The following SIN3B variants were observed in gnomAD, a reference collection of about 807,000 sequenced individuals.
SIN3B encodes paired amphipathic helix protein Sin3b.
A neutral mutation model predicts 120.2 loss-of-function variants in SIN3B; 19 were observed. The observed-to-expected ratio is 0.16, with a 90% CI of 0.11 to 0.23. The LOEUF (loss-of-function observed/expected upper bound fraction) is 0.23, where lower values mean the gene tolerates loss of function less well. Ranked by LOEUF, SIN3B falls within the 10% of genes least tolerant of loss-of-function variation. The pLI is 1.00. For missense variants in SIN3B, 1,073 were observed against 1,573.0 expected, an observed-to-expected ratio of 0.68 and a Z score of 5.38; for synonymous variants, 654 against 653.2, an observed-to-expected ratio of 1.00 and a Z score of -0.02.
Position 16,876,625 on chromosome 19 carries a change from G to C in SIN3B, c.2859+47G>C. 6.8e-7 allele frequency: 1 copy of C among 1,478,580 alleles called. No homozygotes were observed. The highest frequency in any genetic ancestry group is 1.2e-5 in the South Asian group (1 of 86,832). The allele number at this position is 1,478,580 out of a possible 1,614,324, so 91.6% of individuals were successfully genotyped here. A position where few individuals can be genotyped will look rare whatever the true frequency, so the allele number is the denominator to read the frequency against. On this transcript the variant is annotated intron_variant, in intron 16 of 18. Transcript: ENST00000248054. The surrounding 1 kb of genome is among the most constrained non-coding windows in gnomAD (Gnocchi z 7.1). ...GTGCCACGCATACCAGGGAGCGCCTGAGGGCAGCAGCATGGGGCTCCCACC... is the reference window on the plus strand; with the variant it reads ...GTGCCACGCATACCAGGGAGCGCCTCAGGGCAGCAGCATGGGGCTCCCACC...
At chr19:16,858,357 C>T (rs527501564) in intron 8 of SIN3B, among the ~76,000 whole-genome samples, 9 of 152,276 alleles carry the variant, frequency 5.9e-5, no homozygotes, top group African/African-American at 1.7e-4. Flanking sequence ...ATCACCACAG[C>T]ATTTCTCACC....
intron 3 of SIN3B, among the ~76,000 whole-genome samples, chr19:16,834,631 G>A (rs1971322062): frequency 6.6e-6 from 1 of 152,188 alleles, no homozygotes; most frequent in African/African-American, 2.4e-5. Context: ...CTTAGGTGTA[G>A]AAGTTTGTTC....
rs1322570578 is a variant in SIN3B, at chr19:16,878,227, G to A, written c.2999G>A (p.Arg1000Gln). 13 of 1,597,184 alleles carry A rather than the reference G, an allele frequency of 8.1e-6. No individual in the cohort carries two copies. The highest frequency in any genetic ancestry group is 1.7e-5 in the Admixed American group (1 of 58,074). Residue 1000 changes from arginine (R) to glutamine (Q), a missense_variant, in exon 18 of 19, where the codon CGG (arginine) becomes CAG (glutamine). Arg to Gln is a conservative substitution (Grantham distance 43). Around this residue, in one of 7 missense-constraint regions of SIN3B, gnomAD observed 311 missense variants for 400.3 expected, o/e 0.78. Coordinates refer to ENST00000248054, the MANE Select transcript of SIN3B (RefSeq NM_001297595.2). ...FRRRWQSEQA[R>Q]ALRGEARSSW... ...CGCCGGTGGCAGAGCGAGCAGGCGC[G>A]GGCCCTGCGCGGTGAGGCCAGGAGC...
chr19:16,859,926 G>A (rs1052591823), intron 8 of SIN3B, among the ~76,000 whole-genome samples: 1 of 152,200 alleles, frequency 6.6e-6, no homozygotes, highest in East Asian at 1.9e-4. Context: ...AGCCAAGCGA[G>A]CCTCAGTGTC....
intron 4 of SIN3B, among the ~76,000 whole-genome samples, chr19:16,842,801 C>T (rs997946258): frequency 2.6e-5 from 4 of 152,144 alleles, no homozygotes; most frequent in African/African-American, 7.2e-5. Context: ...ATTCCCAGCC[C>T]GGTTCCCAAC....
chr19:16,857,517 A>ATGTGTG (rs72233219), intron 8 of SIN3B, among the ~76,000 whole-genome samples: 3,724 of 93,444 alleles, frequency 0.04, 79 homozygotes, highest in African/African-American at 0.086. Flanking sequence ...TAAAAAAAAT[A>ATGTGTG]TGTGTGTGTG....
Position 16,878,776 on chromosome 19 carries a change from C to G in SIN3B, c.*49C>G. ...GGCGCCTCACAGAGCACAGACGTGC[C>G]CTCGGCCTTGGTCGTGTCGGGGCCG... On this transcript the variant is annotated 3_prime_UTR_variant, in exon 19 of 19. Transcript: ENST00000248054. 1 of 1,492,926 alleles carries G rather than the reference C, an allele frequency of 6.7e-7. No homozygotes were observed. The highest frequency in any genetic ancestry group is 9.0e-7 in the Non-Finnish European group (1 of 1,108,924). 92.5% of individuals were successfully genotyped at this position (1,492,926 alleles called of 1,614,324 possible). A position where few individuals can be genotyped will look rare whatever the true frequency, so the allele number is the denominator to read the frequency against.
At chr19:16,833,488 C>T (rs1390364818) in intron 3 of SIN3B, among the ~76,000 whole-genome samples, 1 of 151,896 alleles carries the variant, frequency 6.6e-6, no homozygotes, top group Admixed American at 6.5e-5. Context: ...AAAAATCAGC[C>T]AGGCGCAGTG....
chr19:16,860,198 G>A (rs548242455), intron 8 of SIN3B, among the ~76,000 whole-genome samples: 2 of 152,298 alleles, frequency 1.3e-5, no homozygotes, highest in African/African-American at 4.8e-5. Flanking sequence ...GTTGGGTTAG[G>A]AGCGTTCACC....
At chr19:16,865,344 C>T in intron 10 of SIN3B, 66 bp from the exon 11 acceptor site, 5 of 971,972 alleles carry the variant, frequency 5.1e-6, no homozygotes, top group Admixed American at 2.1e-5. Context: ...TCTGAGGTCC[C>T]AGGCTCCTCT....
intron 5 of SIN3B, among the ~76,000 whole-genome samples, chr19:16,850,447 T>G (rs953960651): frequency 6.6e-6 from 1 of 152,030 alleles, no homozygotes; most frequent in Non-Finnish European, 1.5e-5. Context: ...TTTTCCTTGT[T>G]TTTTTTTGTT....
chr19:16,835,321 C>T (rs1356824235), intron 3 of SIN3B, among the ~76,000 whole-genome samples: 2 of 151,268 alleles, frequency 1.3e-5, no homozygotes, highest in African/African-American at 4.9e-5. Context: ...CTCTGCCTCC[C>T]GGGTTCAAGT....
At position 16,878,285 on chromosome 19, in the gene SIN3B, C is replaced by T. The variant is rs1248700478; in HGVS notation, c.3057C>T (p.Ala1019=). The change falls in exon 18 of 19, where the codon GCC becomes GCT. Residue 1019 remains alanine, a synonymous_variant. Transcript: ENST00000248054. ...AGCGGCTGGTGGGCGTGGAGAGCGC[C>T]TGCGACGTGGACTGCCGCTTCAAGC... ...SWKRLVGVES[A]CDVDCRFKLS... The T allele has an allele frequency of 6.2e-7, 1 of 1,605,086 alleles. No homozygotes were observed. The highest frequency in any genetic ancestry group is 1.3e-5 in the African/African-American group (1 of 74,792).
chr19:16,842,462 A>AGTG (rs1971430711), intron 4 of SIN3B, among the ~76,000 whole-genome samples: 1 of 142,796 alleles, frequency 7.0e-6, no homozygotes, highest in Non-Finnish European at 1.5e-5. Context: ...GCTGGAGTGC[A>AGTG]GTGGTGTAAT....
At position 16,876,306 on chromosome 19, in the gene SIN3B, C is replaced by G; in HGVS notation, c.2766+78C>G. On this transcript the variant is annotated intron_variant, in intron 15 of 18. Transcript: ENST00000248054. This position sits in a 1 kb window ranked among gnomAD's most constrained non-coding sequence, Gnocchi z 7.1. ...CGCTCTGGACTCAGTCCTGGGTGGA[C>G]CCTGGTTCAGCGGCTGGGACACCGG... 2 of 1,513,958 alleles carry G rather than the reference C, an allele frequency of 1.3e-6. No homozygotes were observed. Among genetic ancestry groups the G allele is most frequent in the Admixed American group, 3.8e-5 (2 of 52,018 alleles). The allele number at this position is 1,513,958 out of a possible 1,614,324, so 93.8% of individuals were successfully genotyped here. A position where few individuals can be genotyped will look rare whatever the true frequency, so the allele number is the denominator to read the frequency against.
At chr19:16,850,920 C>T (rs1199283342) in intron 5 of SIN3B, among the ~76,000 whole-genome samples, 1 of 152,026 alleles carries the variant, frequency 6.6e-6, no homozygotes, top group Non-Finnish European at 1.5e-5. Context: ...ACGACATCAT[C>T]CCCCAGAAAC....
In SIN3B at chr19:16,876,889, A is replaced by C; in HGVS notation, c.2859+311A>C. 3.1e-6 allele frequency: 1 copy of C among 318,416 alleles called. No homozygotes were observed. The highest frequency in any genetic ancestry group is 6.2e-5 in the East Asian group (1 of 16,184). The allele number at this position is 318,416 out of a possible 1,614,324, so 19.7% of individuals were successfully genotyped here. On this transcript the variant is annotated intron_variant, in intron 16 of 18. Coordinates refer to ENST00000248054, the MANE Select transcript of SIN3B (RefSeq NM_001297595.2). This position sits in a 1 kb window ranked among gnomAD's most constrained non-coding sequence, Gnocchi z 7.1. ...CCACTCAGGGCATCCCGTGGCTGTGACCTCTGCACCTCTTGTGTCAGGGCT... is the reference window on the plus strand; with the variant it reads ...CCACTCAGGGCATCCCGTGGCTGTGCCCTCTGCACCTCTTGTGTCAGGGCT...
At position 16,829,935 on chromosome 19, in the gene SIN3B, C is replaced by T. The variant is rs888748402; in HGVS notation, c.227+38C>T. The T allele has an allele frequency of 1.3e-5, 19 of 1,481,818 alleles. No homozygotes were observed. In the African/African-American group the frequency reaches 1.8e-4, roughly 14 times the overall value. 91.8% of individuals were successfully genotyped at this position (1,481,818 alleles called of 1,614,324 possible). ...CCCCTCTCCACCTCAGGGGACCCCC[C>T]TGGGCCGGAATCGGGCCTAGCGGGG... On this transcript the variant is annotated intron_variant, in intron 2 of 18. Transcript: ENST00000248054.
At chr19:16,867,112 G>C (rs1340014123) in intron 12 of SIN3B, among the ~76,000 whole-genome samples, 1 of 152,198 alleles carries the variant, frequency 6.6e-6, no homozygotes, top group Non-Finnish European at 1.5e-5. Flanking sequence ...GATGGACTTT[G>C]GCTTAGGTAG....
Sources: gnomAD v4.1 joint callset for allele counts (sites outside exome capture counted in the v4.1 genomes callset) on GRCh38, gnomAD v4.1.1 for gene constraint, gnomAD v4.1.1 regional missense constraint, Gnocchi (gnomAD v3.1) non-coding constraint, MANE v1.5 for transcripts, NCBI Gene and HGNC (gene_info 2026-07-23, HGNC 2026-07-21) for gene names.